Variants in PTPRM observed in about 807,000 individuals in gnomAD.
PTPRM encodes protein tyrosine phosphatase receptor type M, also known as receptor-type tyrosine-protein phosphatase mu.
PTPRM carries 47 observed loss-of-function variants against 186.7 expected under a neutral mutation model. The observed-to-expected ratio is 0.25, with a 90% CI of 0.20 to 0.32. The LOEUF (loss-of-function observed/expected upper bound fraction) is 0.32. Among genes scored for constraint, PTPRM ranks in the 10% least tolerant of loss-of-function variants. The pLI is 1.00. For missense variants in PTPRM, 1,494 were observed against 1,865.0 expected (o/e 0.80, Z 3.66); for synonymous variants, 668 against 674.9 (o/e 0.99, Z 0.16).
At chr18:8,163,852 GTTCTCAAAAACATCT>G (rs1459042008) in intron 14 of PTPRM, among the ~76,000 whole-genome samples, 5 of 152,184 alleles carry the variant, frequency 3.3e-5, no homozygotes, top group African/African-American at 1.2e-4. Flanking sequence ...ACAATTTTGA[GTTCTCAAAAACATCT>G]TTAATTACTA....
At chr18:8,196,713 GT>G (rs761619955) in intron 14 of PTPRM, among the ~76,000 whole-genome samples, 30 of 152,204 alleles carry the variant, frequency 2.0e-4, no homozygotes, top group Non-Finnish European at 3.2e-4. Flanking sequence ...CAGCACTGAC[GT>G]TTCTAAATTG....
intron 7 of PTPRM, among the ~76,000 whole-genome samples, chr18:8,016,577 T>C (rs1442379556): frequency 7.1e-6 from 1 of 140,220 alleles, no homozygotes; most frequent in African/African-American, 2.7e-5. Context: ...ACAAGAAAAA[T>C]ATTTGAGAGT....
At chr18:8,113,056 T>C in intron 11 of PTPRM, among the ~76,000 whole-genome samples, 1 of 152,270 alleles carries the variant, frequency 6.6e-6, no homozygotes, top group Non-Finnish European at 1.5e-5. Context: ...TTACTTGTGT[T>C]GTCATTAAAG....
At chr18:7,625,352 T>A (rs1567990320) in intron 1 of PTPRM, among the ~76,000 whole-genome samples, 2 of 152,204 alleles carry the variant, frequency 1.3e-5, no homozygotes, top group Non-Finnish European at 2.9e-5. Context: ...CAAATAGATG[T>A]TTTTAAAAGT....
Position 7,722,534 on chromosome 18 carries a change from G to A in PTPRM, c.74-51615G>A, listed in dbSNP as rs563516153. Among the ~76,000 whole-genome samples the A allele has an allele frequency of 3.4e-4, 52 of 152,244 alleles. 1 individual carries two copies. The highest frequency in any genetic ancestry group is 1.6e-3 in the Admixed American group (25 of 15,292). ...AGCCAGATAAATACTAAAATAAAATGTGGGTAAATTCACTTATAAATTGGA... is the reference window on the plus strand; with the variant it reads ...AGCCAGATAAATACTAAAATAAAATATGGGTAAATTCACTTATAAATTGGA... On this transcript the variant is annotated intron_variant, in intron 1 of 32. Transcript: ENST00000580170.
chr18:8,126,012 TATATATATA>T lies in PTPRM; in HGVS notation c.2167+11186_2167+11194del, dbSNP rs1199048218. ...ATATATATATATATATATATATATA[TATATATATA>T]TATATATTTTAAATCAGTAGACCTT... On this transcript the variant is annotated intron_variant, in intron 13 of 32. Coordinates refer to ENST00000580170, the MANE Select transcript of PTPRM (RefSeq NM_001105244.2). Among the ~76,000 whole-genome samples, 104 of 25,106 alleles carry T rather than the reference TATATATATA, an allele frequency of 4.1e-3. 5 individuals carry two copies. Among genetic ancestry groups the T allele is most frequent in the East Asian group, 6.1e-3 (4 of 660 alleles). The allele number at this position is 25,106 out of a possible 152,430, so 16.5% of individuals were successfully genotyped here. A position where few individuals can be genotyped will look rare whatever the true frequency, so the allele number is the denominator to read the frequency against.
At position 8,394,480 on chromosome 18, in the gene PTPRM, G is replaced by C. The variant is rs755503991; in HGVS notation, c.4213G>C (p.Gly1405Arg). The stretch of plus-strand genomic sequence containing the variant: ...ATCTGATCTTTTTCACGACAGGAAC[G>C]GGGGAGGCCGCAGTGGGACGTTCTG... ...EGRTVVHCLNGGGRSGTFCAI... is the reference protein window; with the variant it reads ...EGRTVVHCLNRGGRSGTFCAI... The change falls in exon 32 of 33, where the codon GGG (glycine) becomes CGG (arginine). Residue 1405 changes from glycine (G) to arginine (R), a missense_variant. Coordinates refer to ENST00000580170, the MANE Select transcript of PTPRM (RefSeq NM_001105244.2). The C allele has an allele frequency of 6.2e-7, 1 of 1,608,418 alleles. No individual in the cohort carries two copies.
chr18:7,964,680 A>G (rs918512347), intron 7 of PTPRM, among the ~76,000 whole-genome samples: 2 of 152,190 alleles, frequency 1.3e-5, no homozygotes, highest in Non-Finnish European at 2.9e-5. Flanking sequence ...TAGGACTTTT[A>G]AGCTGAATGG....
chr18:7,866,021 A>T (rs1217205986), intron 2 of PTPRM, among the ~76,000 whole-genome samples: 1 of 151,980 alleles, frequency 6.6e-6, no homozygotes, highest in South Asian at 2.1e-4. Context: ...TTGTGGGATC[A>T]GTTGTGATAT....
chr18:7,615,036 C>CT (rs1191199898), intron 1 of PTPRM, among the ~76,000 whole-genome samples: 4 of 152,046 alleles, frequency 2.6e-5, no homozygotes, highest in African/African-American at 4.8e-5. Context: ...TACCGAGTGG[C>CT]TTTTTTCTGT....
chr18:8,131,684 A>G (rs1248456877), intron 13 of PTPRM, among the ~76,000 whole-genome samples: 1 of 152,218 alleles, frequency 6.6e-6, no homozygotes, highest in Non-Finnish European at 1.5e-5. Flanking sequence ...TGGATTATAG[A>G]TATCTTATGT....
intron 4 of PTPRM, among the ~76,000 whole-genome samples, chr18:7,907,994 G>A (rs1364442048): frequency 2.6e-5 from 4 of 151,376 alleles, no homozygotes; most frequent in East Asian, 1.9e-4. Flanking sequence ...TGAACATTTA[G>A]TGTTTCCCAC....
At chr18:7,610,929 C>G in intron 1 of PTPRM, among the ~76,000 whole-genome samples, 1 of 152,268 alleles carries the variant, frequency 6.6e-6, no homozygotes, top group East Asian at 1.9e-4. Context: ...TGGGAGATGA[C>G]AGCTCCATGT....
At chr18:8,047,423 A>G (rs1402022931) in intron 7 of PTPRM, among the ~76,000 whole-genome samples, 1 of 152,214 alleles carries the variant, frequency 6.6e-6, no homozygotes, top group East Asian at 1.9e-4. Context: ...TGACAGTTAC[A>G]TTGTTATTGT....
chr18:7,768,554 C>G (rs894529001), intron 1 of PTPRM, among the ~76,000 whole-genome samples: 1 of 152,110 alleles, frequency 6.6e-6, no homozygotes, highest in Non-Finnish European at 1.5e-5. Flanking sequence ...CACACACTAC[C>G]TGCAGTTTTT....
At chr18:8,136,970 C>T (rs1026514115) in intron 13 of PTPRM, among the ~76,000 whole-genome samples, 4 of 152,174 alleles carry the variant, frequency 2.6e-5, no homozygotes, top group African/African-American at 9.7e-5. Flanking sequence ...ATAGAGTATT[C>T]CATGAAAGTC....
chr18:7,613,640 T>C (rs2037733047), intron 1 of PTPRM, among the ~76,000 whole-genome samples: 1 of 151,114 alleles, frequency 6.6e-6, no homozygotes, highest in African/African-American at 2.4e-5. Flanking sequence ...GCCACTGCAC[T>C]ACAGCCTGGG....
chr18:8,100,148 G>GTT (rs2091224207), intron 11 of PTPRM, among the ~76,000 whole-genome samples: 8 of 151,986 alleles, frequency 5.3e-5, no homozygotes, highest in Admixed American at 4.6e-4. Context: ...GTGTGTGTGT[G>GTT]TATGTGTGGA....
chr18:7,869,654 G>T (rs2047890324), intron 2 of PTPRM, among the ~76,000 whole-genome samples: 1 of 152,156 alleles, frequency 6.6e-6, no homozygotes, highest in Non-Finnish European at 1.5e-5. Context: ...CATCTTGCCA[G>T]CCATCGATCA....
Sources: allele counts gnomAD v4.1 joint callset (sites outside exome capture counted in the v4.1 genomes callset), GRCh38; gene constraint gnomAD v4.1.1; transcripts MANE v1.5; gene names NCBI Gene and HGNC (gene_info 2026-07-23, HGNC 2026-07-21).